The following KCNMB3 variants were observed in gnomAD, a reference collection of about 807,000 sequenced individuals.
The protein encoded by KCNMB3 is calcium-activated potassium channel subunit beta-3.
In KCNMB3, 18 loss-of-function variants were observed where a neutral mutation model predicts 11.9. The observed-to-expected ratio is 1.51, with a 90% CI of 1.04 to 2.23. The LOEUF (loss-of-function observed/expected upper bound fraction) is 2.23, where lower values mean the gene tolerates loss of function less well. Ranked by LOEUF, KCNMB3 falls within the 30% of genes most tolerant of loss-of-function variation. KCNMB3 has a pLI of 0.00. For synonymous variants in KCNMB3, 78 were observed against 119.2 expected (o/e 0.65, Z 2.25); for missense variants, 247 against 329.4 (o/e 0.75, Z 1.94).
chr3:179,248,727 CAAAAA>C (rs543706677), intron 1 of KCNMB3, among the ~76,000 whole-genome samples: 1 of 80,272 alleles, frequency 1.2e-5, no homozygotes, highest in African/African-American at 5.6e-5. Context: ...CACCCTGCTT[CAAAAA>C]AAAAAAAAAA....
intron 1 of KCNMB3, chr3:179,260,260 C>G (rs1185963463): frequency 2.5e-6 from 4 of 1,613,828 alleles, no homozygotes; most frequent in East Asian, 2.2e-5. Context: ...TCTGGTGCAC[C>G]CATGACCTCA....
At chr3:179,257,898 G>GTT (rs1202131030) in intron 1 of KCNMB3, among the ~76,000 whole-genome samples, 2 of 42,592 alleles carry the variant, frequency 4.7e-5, no homozygotes, top group African/African-American at 9.6e-5. Context: ...GTGTGTGTGT[G>GTT]TTTTTTAGAC....
chr3:179,245,153 C>T (rs991745414), intron 1 of KCNMB3, among the ~76,000 whole-genome samples: 1 of 152,128 alleles, frequency 6.6e-6, no homozygotes, highest in Non-Finnish European at 1.5e-5. Context: ...ATGCTGTAAC[C>T]ACCAAGATTC....
At chr3:179,260,540 C>T (rs62410371) in intron 1 of KCNMB3, 820,573 of 1,596,588 alleles carry the variant, frequency 0.51, 218,691 homozygotes, top group East Asian at 0.87. Context: ...TCACCTCCAC[C>T]TCACTGGCTT....
chr3:179,258,683 T>C (rs886187061), intron 1 of KCNMB3, among the ~76,000 whole-genome samples: 2 of 152,238 alleles, frequency 1.3e-5, no homozygotes, highest in African/African-American at 2.4e-5. Flanking sequence ...GTCAAGAATA[T>C]TCACATTCCT....
chr3:179,260,966 T>C (rs1425218478), intron 1 of KCNMB3: 12 of 1,031,968 alleles, frequency 1.2e-5, no homozygotes, highest in Non-Finnish European at 1.8e-5. Context: ...GTCCTTGATT[T>C]CCCTGATGGA....
At chr3:179,255,934 A>C (rs10936995), upstream of KCNMB3, among the ~76,000 whole-genome samples, 71,421 of 152,104 alleles carry the variant, frequency 0.47, 18,630 homozygotes, top group East Asian at 0.87. Context: ...TAACCACAGA[A>C]TTCTATGTCT....
At chr3:179,263,672 C>G (rs1278856821) in intron 1 of KCNMB3, among the ~76,000 whole-genome samples, 1 of 151,870 alleles carries the variant, frequency 6.6e-6, no homozygotes, top group African/African-American at 2.4e-5. Flanking sequence ...CAGAAGAGAA[C>G]AAAAACTCAC....
chr3:179,263,476 G>A (rs1400589605), intron 1 of KCNMB3, among the ~76,000 whole-genome samples: 2 of 152,244 alleles, frequency 1.3e-5, no homozygotes, highest in Non-Finnish European at 2.9e-5. Flanking sequence ...CAGAGTGGGC[G>A]CCAAGGCCGA....
intron 1 of KCNMB3, chr3:179,259,323 G>T (rs2160756): frequency 0.74 from 1,149,919 of 1,560,350 alleles, 426,871 homozygotes; most frequent in East Asian, 0.93. Context: ...AGTGGCACCA[G>T]CTATTTTAGC....
At chr3:179,252,873 A>G (rs1725892934), upstream of KCNMB3, among the ~76,000 whole-genome samples, 2 of 151,532 alleles carry the variant, frequency 1.3e-5, no homozygotes, top group Non-Finnish European at 2.9e-5. Context: ...CTGGGACTAC[A>G]GGCGCCCACC....
Position 179,250,787 on chromosome 3 carries a change from C to T in KCNMB3, c.204G>A (p.Met68Ile), listed in dbSNP as rs760479135. ...GFAMMGFSVLMFFLLGTTILK... is the reference protein window; with the variant it reads ...GFAMMGFSVLIFFLLGTTILK... ...GAATGGTTGTTCCGAGCAAGAAGAA[C>T]ATTAGGACTGAGAAGCCCATCATGG... The change falls in exon 1 of 3, where the codon ATG becomes ATA. Residue 68 changes from methionine (M) to isoleucine (I), a missense_variant. This residue lies in a region of KCNMB3 where 160 missense variants were observed against 157.5 expected (regional missense o/e 1.02). Coordinates refer to ENST00000392685, the MANE Select transcript of KCNMB3 (RefSeq NM_171830.2). 2 of 1,614,180 alleles carry T rather than the reference C, an allele frequency of 1.2e-6. No homozygotes were observed. The highest frequency in any genetic ancestry group is 1.7e-6 in the Non-Finnish European group (2 of 1,180,036).
chr3:179,254,138 G>A (rs1028807162), upstream of KCNMB3, among the ~76,000 whole-genome samples: 2 of 152,164 alleles, frequency 1.3e-5, no homozygotes, highest in Non-Finnish European at 2.9e-5. Context: ...GGGTCTATCC[G>A]AGGTATGTAG....
chr3:179,249,007 C>CTTTTT (rs1169837939), intron 1 of KCNMB3, among the ~76,000 whole-genome samples: 12 of 89,860 alleles, frequency 1.3e-4, no homozygotes, highest in Non-Finnish European at 1.5e-4. Context: ...GACCCCGTCT[C>CTTTTT]TTTTTTTTTT....
chr3:179,244,467 C>T, intron 2 of KCNMB3, 28 bp downstream of exon 2: 3 of 1,588,854 alleles, frequency 1.9e-6, no homozygotes, highest in Non-Finnish European at 2.6e-6. Context: ...GGGTTGCTGT[C>T]ATAAGAACTC....
At chr3:179,254,758 C>T (rs537652723), upstream of KCNMB3, among the ~76,000 whole-genome samples, 4 of 152,094 alleles carry the variant, frequency 2.6e-5, no homozygotes, top group South Asian at 2.1e-4. Context: ...GCCAAGATTG[C>T]GCCACTGCAC....
upstream of KCNMB3, chr3:179,251,603 T>C: frequency 1.6e-6 from 2 of 1,274,910 alleles, no homozygotes; most frequent in Non-Finnish European, 2.0e-6. Flanking sequence ...ATGAGATACA[T>C]TCTCGCAGGG....
At chr3:179,260,756 A>G in intron 1 of KCNMB3, 3 of 1,434,974 alleles carry the variant, frequency 2.1e-6, no homozygotes, top group Admixed American at 1.7e-5. Context: ...AAACTGCAGT[A>G]TACTGTGGGC....
chr3:179,244,762 A>G (rs1431856263), intron 1 of KCNMB3, 69 bp from the exon 2 acceptor site: 5 of 1,377,010 alleles, frequency 3.6e-6, no homozygotes, highest in Non-Finnish European at 5.1e-6. Context: ...TGGTGTGGTT[A>G]TGAGCTTATG....
Sources: gnomAD v4.1 joint callset for allele counts (sites outside exome capture counted in the v4.1 genomes callset) on GRCh38, gnomAD v4.1.1 for gene constraint, gnomAD v4.1.1 regional missense constraint, MANE v1.5 for transcripts, NCBI Gene and HGNC (gene_info 2026-07-23, HGNC 2026-07-21) for gene names.